The following DNAH17 variants were observed in gnomAD, a reference collection of about 807,000 sequenced individuals.
DNAH17 encodes the protein dynein axonemal heavy chain 17, also known as axonemal beta dynein heavy chain 17.
Under a neutral mutation model 485.6 loss-of-function variants are expected in DNAH17, and 376 were observed. The ratio of observed to expected loss-of-function variants is 0.77; its 90% CI spans 0.71 to 0.84. The LOEUF is 0.84. Among genes scored for constraint, DNAH17 ranks in the 40% least tolerant of loss-of-function variants. DNAH17 has a pLI of 0.00. For missense variants in DNAH17, 6,370 were observed against 5,839.3 expected, an observed-to-expected ratio of 1.09 and a Z score of -2.96; for synonymous variants, 3,031 against 2,405.9, an observed-to-expected ratio of 1.26 and a Z score of -7.60.
rs759424549 is a variant in DNAH17 at position 78,466,699 on chromosome 17, C to A, written c.8896G>T (p.Val2966Leu). 48 of 1,612,464 alleles carry A rather than the reference C, an allele frequency of 3.0e-5. No individual in the cohort carries two copies. The Admixed American group carries it at 4.3e-4, about 15-fold the overall frequency. The change falls in exon 56 of 81, where the codon GTG becomes TTG. Residue 2966 changes from valine (V) to leucine (L), a missense_variant. Val to Leu is a conservative substitution (Grantham distance 32). Transcript: ENST00000389840. ...WFHEWPEDAL[V>L]SVSARFLEET... Reference sequence around the variant, plus strand: ...TCCAGGAAGCGGGCGCTGACGGACACCAGCGCATCTTCCGGCCACTCGTGG... The same window carrying A: ...TCCAGGAAGCGGGCGCTGACGGACAACAGCGCATCTTCCGGCCACTCGTGG...
chr17:78,550,915 C>T (rs920161504), intron 16 of DNAH17, among the ~76,000 whole-genome samples: 8 of 152,154 alleles, frequency 5.3e-5, no homozygotes, highest in African/African-American at 1.9e-4. Flanking sequence ...AAATTATTCC[C>T]GTCAATTGAA....
chr17:78,526,134 G>T (rs1387159132), intron 24 of DNAH17, among the ~76,000 whole-genome samples: 1 of 152,242 alleles, frequency 6.6e-6, no homozygotes, highest in Non-Finnish European at 1.5e-5. Flanking sequence ...GGGCTGCCAG[G>T]TCCAGGGCTG....
At chr17:78,560,474 C>CT (rs570480817) in intron 13 of DNAH17, among the ~76,000 whole-genome samples, 34 of 150,884 alleles carry the variant, frequency 2.3e-4, no homozygotes, top group East Asian at 8.0e-4. Context: ...TCGGCAAAGA[C>CT]TTTTTCCCCC....
At chr17:78,567,622 G>A (rs1323278190) in intron 9 of DNAH17, among the ~76,000 whole-genome samples, 3 of 152,168 alleles carry the variant, frequency 2.0e-5, no homozygotes, top group Non-Finnish European at 4.4e-5. Flanking sequence ...TCCCGAAGGT[G>A]ATCCAAGAAG....
intron 19 of DNAH17, among the ~76,000 whole-genome samples, chr17:78,535,044 G>A (rs1028577368): frequency 5.9e-5 from 9 of 152,148 alleles, no homozygotes; most frequent in African/African-American, 9.7e-5. Context: ...AGGCTTTCGA[G>A]GGACCCTTCT....
intron 25 of DNAH17, among the ~76,000 whole-genome samples, chr17:78,521,736 T>C (rs1291103457): frequency 6.6e-6 from 1 of 152,038 alleles, no homozygotes; most frequent in Non-Finnish European, 1.5e-5. Context: ...CCTGTAATCC[T>C]AGCACTTTGG....
chr17:78,527,238 T>G (rs1264645028), intron 22 of DNAH17, among the ~76,000 whole-genome samples: 2 of 151,832 alleles, frequency 1.3e-5, no homozygotes, highest in Non-Finnish European at 2.9e-5. Flanking sequence ...CAAATTCTTT[T>G]TAGCTGGGCG....
intron 35 of DNAH17, 167 bp downstream of exon 35, chr17:78,501,017 C>T: frequency 1.3e-6 from 1 of 750,102 alleles, no homozygotes. Flanking sequence ...ACAGCCGGTG[C>T]TAGAACAAGG....
At chr17:78,494,448 G>T in intron 40 of DNAH17, 145 bp downstream of exon 40, 2 of 1,016,678 alleles carry the variant, frequency 2.0e-6, no homozygotes, top group Non-Finnish European at 1.4e-6. Context: ...CCAGGGCCAC[G>T]GAGGCAGCTG....
chr17:78,506,686 G>T, intron 30 of DNAH17, 34 bp downstream of exon 30: 1 of 1,613,224 alleles, frequency 6.2e-7, no homozygotes, highest in South Asian at 1.1e-5. Flanking sequence ...CATGATGTTG[G>T]CTTAAACACC....
chr17:78,475,805 T>C lies in DNAH17; in HGVS notation c.8183A>G (p.Lys2728Arg). ...DDLGDELLFA[K>R]PNIFCHFAQG... The stretch of plus-strand genomic sequence containing the variant: ...AGCAAAGTGGCAGAAGATATTTGGC[T>C]TGGCAAATAAGAGTTCATCACCAAG... The change falls in exon 53 of 81, where the codon AAG (lysine) becomes AGG (arginine). Residue 2728 changes from lysine (K) to arginine (R), a missense_variant. Lys to Arg is a conservative substitution (Grantham distance 26, BLOSUM62 2). Coordinates refer to ENST00000389840, the MANE Select transcript of DNAH17 (RefSeq NM_173628.4). 1 of 1,613,724 alleles carries C rather than the reference T, an allele frequency of 6.2e-7. No individual in the cohort carries two copies. The highest frequency in any genetic ancestry group is 1.1e-5 in the South Asian group (1 of 90,998).
At chr17:78,537,552 C>T in intron 18 of DNAH17, 71 bp from the exon 19 acceptor site, 1 of 1,520,200 alleles carries the variant, frequency 6.6e-7, no homozygotes, top group African/African-American at 1.4e-5. Context: ...GTGCCCTGAT[C>T]ATCCACTCCG....
chr17:78,441,757 A>G (rs980569145), intron 71 of DNAH17, among the ~76,000 whole-genome samples: 3 of 152,064 alleles, frequency 2.0e-5, no homozygotes, highest in Non-Finnish European at 4.4e-5. Context: ...GGCTGAGCTT[A>G]CTGTAATGTA....
At chr17:78,430,080 C>T (rs1429254564) in intron 75 of DNAH17, among the ~76,000 whole-genome samples, 1 of 152,246 alleles carries the variant, frequency 6.6e-6, no homozygotes, top group Non-Finnish European at 1.5e-5. Flanking sequence ...TCTCACGTCA[C>T]ACCTTTGCTC....
chr17:78,497,382 G>T (rs770451941), intron 37 of DNAH17, among the ~76,000 whole-genome samples: 4 of 152,128 alleles, frequency 2.6e-5, no homozygotes, highest in Non-Finnish European at 5.9e-5. Flanking sequence ...ACACCCCCAT[G>T]CCCAGTCTGC....
rs934129549 is a variant in DNAH17 at position 78,509,030 on chromosome 17, G to A, written c.4237-1225C>T. On this transcript the variant is annotated intron_variant, in intron 27 of 80. Coordinates refer to ENST00000389840, the MANE Select transcript of DNAH17 (RefSeq NM_173628.4). Reference sequence around the variant, plus strand: ...CACCCAGGCTGGACTGCAGTGGCGCGATCTCAGCTCACTGCAACTTCTCCC... The same window carrying A: ...CACCCAGGCTGGACTGCAGTGGCGCAATCTCAGCTCACTGCAACTTCTCCC... Among the ~76,000 whole-genome samples the A allele has an allele frequency of 1.3e-4, 16 of 125,540 alleles. 1 individual carries two copies. Among genetic ancestry groups the A allele is most frequent in the Admixed American group, 1.2e-3 (16 of 12,980 alleles). The allele number at this position is 125,540 out of a possible 152,430, so 82.4% of individuals were successfully genotyped here. A position where few individuals can be genotyped will look rare whatever the true frequency, so the allele number is the denominator to read the frequency against.
At chr17:78,468,503 T>G in intron 55 of DNAH17, 114 bp downstream of exon 55, 5 of 1,354,830 alleles carry the variant, frequency 3.7e-6, no homozygotes, top group Non-Finnish European at 4.9e-6. Context: ...TAACAGGATT[T>G]CACATCCCAT....
intron 18 of DNAH17, among the ~76,000 whole-genome samples, chr17:78,538,244 G>T (rs2091431228): frequency 6.6e-6 from 1 of 152,042 alleles, no homozygotes; most frequent in Non-Finnish European, 1.5e-5. Flanking sequence ...GTACTGCAGG[G>T]GCTGGCCAAG....
chr17:78,574,987 G>A lies in DNAH17; in HGVS notation c.71C>T (p.Pro24Leu), dbSNP rs199829915. Residue 24 changes from proline to leucine, a missense_variant, in exon 2 of 81, where the codon CCG (proline) becomes CTG (leucine). Physicochemically the swap from Pro to Leu is moderately conservative, Grantham distance 98. Transcript: ENST00000389840. ...GCCTATCAGCTTGCTCCACTTGTCC[G>A]GCTTGAACTTCAGGACGATGGAGGC... ...EVASIVLKFK[P>L]DKWSKLIGAE... 1.7e-5 allele frequency: 27 copies of A among 1,613,834 alleles called. No individual in the cohort carries two copies. The African/African-American group carries it at 1.7e-4, about 10-fold the overall frequency.
Sources: allele counts gnomAD v4.1 joint callset (sites outside exome capture counted in the v4.1 genomes callset), GRCh38; gene constraint gnomAD v4.1.1; transcripts MANE v1.5; gene names NCBI Gene and HGNC (gene_info 2026-07-23, HGNC 2026-07-21).